Variants in INPP5D observed in about 807,000 individuals in gnomAD.
INPP5D encodes the protein inositol polyphosphate-5-phosphatase D.
Under a neutral mutation model 122.9 loss-of-function variants are expected in INPP5D, and 33 were observed. That is an observed-to-expected ratio of 0.27 (90% CI 0.20 to 0.36). The LOEUF (loss-of-function observed/expected upper bound fraction) is 0.36. Among genes scored for constraint, INPP5D ranks in the 10% least tolerant of loss-of-function variants. The pLI is 1.00. For missense variants in INPP5D, 1,053 were observed against 1,412.7 expected, an observed-to-expected ratio of 0.75 and a Z score of 4.08; for synonymous variants, 584 against 576.2, an observed-to-expected ratio of 1.01 and a Z score of -0.19.
intron 5 of INPP5D, among the ~76,000 whole-genome samples, chr2:233,137,942 TATG>T (rs1448057693): frequency 2.0e-5 from 2 of 102,190 alleles, no homozygotes; most frequent in African/African-American, 6.4e-5. Flanking sequence ...TATTTATTAT[TATG>T]ATATAATGAT....
Position 233,173,509 on chromosome 2 carries a change from G to A in INPP5D, c.1989+2357G>A, listed in dbSNP as rs796288976. Among the ~76,000 whole-genome samples, 8 of 152,082 alleles carry A rather than the reference G, an allele frequency of 5.3e-5. 1 individual carries two copies. Among genetic ancestry groups the A allele is most frequent in the African/African-American group, 1.9e-4 (8 of 41,488 alleles). ...ATTTTTGACGCTTTTGTAATAAAAT[G>A]TAGCTTAAAATACAAACACATTGTA... On this transcript the variant is annotated intron_variant, in intron 17 of 26. Coordinates refer to ENST00000445964, the MANE Select transcript of INPP5D (RefSeq NM_001017915.3).
At chr2:233,133,457 A>G (rs1693386122) in intron 5 of INPP5D, among the ~76,000 whole-genome samples, 1 of 152,164 alleles carries the variant, frequency 6.6e-6, no homozygotes, top group Non-Finnish European at 1.5e-5. Context: ...GTGGCAAGTG[A>G]GTGTTAGGAA....
chr2:233,135,701 A>G (rs888731974), intron 5 of INPP5D, among the ~76,000 whole-genome samples: 12 of 151,788 alleles, frequency 7.9e-5, no homozygotes, highest in Non-Finnish European at 1.5e-4. Context: ...CATGTCTCCA[A>G]GAAAAAGGCT....
rs566206294 is a variant in INPP5D, at chr2:233,114,323, A to T, written c.199-7784A>T. On this transcript the variant is annotated intron_variant, in intron 2 of 26. Coordinates refer to ENST00000445964, the MANE Select transcript of INPP5D (RefSeq NM_001017915.3). The stretch of plus-strand genomic sequence containing the variant: ...TTCTTCACCCACGTGGGGCCCTATG[A>T]TTCTTAAATTTGGGGGAGAGGAGGT... Among the ~76,000 whole-genome samples, 11 of 152,196 alleles carry T rather than the reference A, an allele frequency of 7.2e-5. No individual in the cohort carries two copies. In the East Asian group the frequency reaches 1.5e-3, roughly 21 times the overall value.
Position 233,197,447 on chromosome 2 carries a change from C to T in INPP5D, c.2694-648C>T, listed in dbSNP as rs1159068184. On this transcript the variant is annotated intron_variant, in intron 24 of 26. Coordinates refer to ENST00000445964, the MANE Select transcript of INPP5D (RefSeq NM_001017915.3). This position sits in a 1 kb window ranked among gnomAD's most constrained non-coding sequence, Gnocchi z 4.4. ...CTGCTGGAGTCTGCCCTGAAAATCC[C>T]CTCCTTCCTGCCACCCAGGCTACCC... Among the ~76,000 whole-genome samples, 1 of 152,078 alleles carries T rather than the reference C, an allele frequency of 6.6e-6. No homozygotes were observed. Among genetic ancestry groups the T allele is most frequent in the Non-Finnish European group, 1.5e-5 (1 of 68,020 alleles).
At chr2:233,108,186 C>A (rs1367354864) in intron 2 of INPP5D, among the ~76,000 whole-genome samples, 2 of 152,206 alleles carry the variant, frequency 1.3e-5, no homozygotes, top group African/African-American at 4.8e-5. Flanking sequence ...TGACTGCCTT[C>A]TCTGCCCTGG....
At chr2:233,149,937 G>A (rs140489995) in intron 9 of INPP5D, among the ~76,000 whole-genome samples, 140 of 152,232 alleles carry the variant, frequency 9.2e-4, no homozygotes, top group African/African-American at 3.0e-3. Flanking sequence ...CAGGGTAGCC[G>A]TGAGGGAGGC....
chr2:233,152,147 G>A (rs1334506855), intron 9 of INPP5D, among the ~76,000 whole-genome samples: 1 of 152,212 alleles, frequency 6.6e-6, no homozygotes, highest in African/African-American at 2.4e-5. Flanking sequence ...CAAGACAGGG[G>A]TTCCTACAGG....
In INPP5D at chr2:233,164,224, C is replaced by T. The variant is rs1207482195; in HGVS notation, c.1438-83C>T. On this transcript the variant is annotated intron_variant, in intron 12 of 26. Coordinates refer to ENST00000445964, the MANE Select transcript of INPP5D (RefSeq NM_001017915.3). This position sits in a 1 kb window ranked among gnomAD's most constrained non-coding sequence, Gnocchi z 4.3. The stretch of plus-strand genomic sequence containing the variant: ...CAGGATACCCCATACCCAGGGGCTG[C>T]GGCTGGGGCTGGGTGTGAATCACTG... The T allele has an allele frequency of 3.4e-5, 50 of 1,472,242 alleles. No individual in the cohort carries two copies. Among genetic ancestry groups the T allele is most frequent in the Non-Finnish European group, 4.3e-5 (48 of 1,107,180 alleles). The allele number at this position is 1,472,242 out of a possible 1,614,324, so 91.2% of individuals were successfully genotyped here. A position where few individuals can be genotyped will look rare whatever the true frequency, so the allele number is the denominator to read the frequency against.
intron 2 of INPP5D, among the ~76,000 whole-genome samples, chr2:233,114,729 C>T (rs1201359566): frequency 6.6e-6 from 1 of 152,184 alleles, no homozygotes; most frequent in Admixed American, 6.5e-5. Context: ...ACAGCAGCCA[C>T]CCCGCAAACC....
At position 233,081,096 on chromosome 2, in the gene INPP5D, G is replaced by C. The variant is rs540324779; in HGVS notation, c.198+1698G>C. 4.6e-5 allele frequency among the ~76,000 whole-genome samples: 7 copies of C among 152,334 alleles called. No homozygotes were observed. The South Asian group carries it at 1.4e-3, about 32-fold the overall frequency. On this transcript the variant is annotated intron_variant, in intron 2 of 26. Transcript: ENST00000445964. ...CCTAGGGCGCCCGCAGGTTTGGCCT[G>C]GTTCTTAGCAGTCACCAGGAGCAGA...
intron 5 of INPP5D, among the ~76,000 whole-genome samples, chr2:233,139,096 C>A (rs1693579411): frequency 1.3e-5 from 2 of 151,966 alleles, no homozygotes; most frequent in Admixed American, 1.3e-4. Context: ...CAGAGTAACC[C>A]AAATATCTAG....
rs760373382 is a variant in INPP5D, at chr2:233,164,819, C to T, written c.1555+395C>T. ...AGGGCCTGACAGTAAATATTTCAGGCTTTGCAGGCCACTCAACACTATTCC... is the reference window on the plus strand; with the variant it reads ...AGGGCCTGACAGTAAATATTTCAGGTTTTGCAGGCCACTCAACACTATTCC... On this transcript the variant is annotated intron_variant, in intron 13 of 26. Coordinates refer to ENST00000445964, the MANE Select transcript of INPP5D (RefSeq NM_001017915.3). The surrounding 1 kb of genome is among the most constrained non-coding windows in gnomAD (Gnocchi z 4.3). Among the ~76,000 whole-genome samples, 1 of 152,234 alleles carries T rather than the reference C, an allele frequency of 6.6e-6. No homozygotes were observed. The highest frequency in any genetic ancestry group is 1.5e-5 in the Non-Finnish European group (1 of 68,048).
At chr2:233,103,034 G>A (rs139770338) in intron 2 of INPP5D, among the ~76,000 whole-genome samples, 1 of 152,268 alleles carries the variant, frequency 6.6e-6, no homozygotes, top group Admixed American at 6.5e-5. Context: ...TTGTTGTCTT[G>A]GGTGCATGCA....
chr2:233,165,078 GTGTT>G (rs1391126205), intron 13 of INPP5D, among the ~76,000 whole-genome samples: 2 of 152,180 alleles, frequency 1.3e-5, no homozygotes, highest in African/African-American at 4.8e-5. Context: ...GCAAGCCTGT[GTGTT>G]TGTGTAGGAT....
chr2:233,096,862 A>G (rs759790463), intron 2 of INPP5D, among the ~76,000 whole-genome samples: 2 of 152,092 alleles, frequency 1.3e-5, no homozygotes, highest in Non-Finnish European at 2.9e-5. Context: ...AACATTGTTT[A>G]TGGTGCGTTT....
chr2:233,104,130 C>A (rs901883263), intron 2 of INPP5D, among the ~76,000 whole-genome samples: 1 of 150,276 alleles, frequency 6.7e-6, no homozygotes, highest in African/African-American at 2.5e-5. Flanking sequence ...CCTGCCTCAG[C>A]CTCTCAAGTA....
intron 23 of INPP5D, among the ~76,000 whole-genome samples, chr2:233,195,015 G>T (rs1351058615): frequency 6.6e-6 from 1 of 152,082 alleles, no homozygotes; most frequent in African/African-American, 2.4e-5. Flanking sequence ...AGACTGGTTT[G>T]GAACTCCTGA....
chr2:233,070,289 T>C (rs74492598), intron 1 of INPP5D, among the ~76,000 whole-genome samples: 10,596 of 152,246 alleles, frequency 0.07, 454 homozygotes, highest in Admixed American at 0.096. Flanking sequence ...TTTTATATAG[T>C]GAAGTCTCTC....
Sources: gnomAD v4.1 joint callset for allele counts (sites outside exome capture counted in the v4.1 genomes callset) on GRCh38, gnomAD v4.1.1 for gene constraint, Gnocchi (gnomAD v3.1) non-coding constraint, MANE v1.5 for transcripts, NCBI Gene and HGNC (gene_info 2026-07-23, HGNC 2026-07-21) for gene names.